ILRUN: variants seen among roughly 807,000 people sequenced by gnomAD.
ILRUN encodes inflammation and lipid regulator with UBA-like and NBR1-like domains, also known as protein ILRUN.
In ILRUN, 3 loss-of-function variants were observed where a neutral mutation model predicts 33.8. That is an observed-to-expected ratio of 0.09 (90% CI 0.04 to 0.23). ILRUN has a LOEUF of 0.23. Ranked by LOEUF, ILRUN falls within the 10% of genes least tolerant of loss-of-function variation. The pLI is 1.00. For synonymous variants in ILRUN, 124 were observed against 138.9 expected (o/e 0.89, Z 0.75); for missense variants, 210 against 375.1 (o/e 0.56, Z 3.64).
chr6:34,639,618 A>C (rs1323037128), intron 3 of ILRUN, among the ~76,000 whole-genome samples: 1 of 152,160 alleles, frequency 6.6e-6, no homozygotes, highest in Admixed American at 6.5e-5. Context: ...TAGCCCTGTC[A>C]ATCTCAACTC....
intron 3 of ILRUN, among the ~76,000 whole-genome samples, chr6:34,636,312 C>T (rs1012806762): frequency 1.3e-5 from 2 of 151,826 alleles, no homozygotes; most frequent in Non-Finnish European, 1.5e-5. Context: ...CATTCTTTCT[C>T]GGGGCTGAAT....
chr6:34,649,369 T>G (rs1762617011), intron 2 of ILRUN, among the ~76,000 whole-genome samples: 1 of 152,172 alleles, frequency 6.6e-6, no homozygotes, highest in African/African-American at 2.4e-5. Context: ...AGAACTGGAC[T>G]CCAAATTAAG....
chr6:34,617,365 C>T (rs181526245), intron 3 of ILRUN: 5 of 307,726 alleles, frequency 1.6e-5, no homozygotes, highest in Admixed American at 1.3e-4. Context: ...CATCTTTGTG[C>T]GTGTCTCTTA....
At chr6:34,617,306 A>G in intron 3 of ILRUN, 1 of 327,750 alleles carries the variant, frequency 3.1e-6, no homozygotes, top group Admixed American at 4.1e-5. Context: ...AATAAACAGT[A>G]TGCGCTCTCA....
At chr6:34,647,522 T>A (rs1239225276) in intron 2 of ILRUN, among the ~76,000 whole-genome samples, 1 of 151,190 alleles carries the variant, frequency 6.6e-6, no homozygotes, top group African/African-American at 2.4e-5. Flanking sequence ...GGAAGGAGGG[T>A]CAATCAGACC....
rs1314501480 is a variant in ILRUN at position 34,646,404 on chromosome 6, T to C, written c.511+197A>G. Among the ~76,000 whole-genome samples, 1 of 152,140 alleles carries C rather than the reference T, an allele frequency of 6.6e-6. No homozygotes were observed. Among genetic ancestry groups the C allele is most frequent in the African/African-American group, 2.4e-5 (1 of 41,418 alleles). ...TAATACCTCGTACAGGTCACTAAAT[T>C]ATATTCCTAGGATAAAAGAAAGAGC... On this transcript the variant is annotated intron_variant, in intron 3 of 4. Transcript: ENST00000374023. The surrounding 1 kb of genome is among the most constrained non-coding windows in gnomAD (Gnocchi z 4.9).
intron 2 of ILRUN, among the ~76,000 whole-genome samples, chr6:34,648,495 C>T (rs1762601233): frequency 6.6e-6 from 1 of 152,110 alleles, no homozygotes; most frequent in Non-Finnish European, 1.5e-5. Context: ...TTTAGCATAC[C>T]TTCTTCTAAA....
At chr6:34,625,415 G>A (rs1314881791) in intron 3 of ILRUN, among the ~76,000 whole-genome samples, 1 of 152,108 alleles carries the variant, frequency 6.6e-6, no homozygotes, top group Non-Finnish European at 1.5e-5. Context: ...ATGGCCATCT[G>A]GACATCTCAA....
At chr6:34,613,696 AAT>A (rs1331184288) in intron 3 of ILRUN, among the ~76,000 whole-genome samples, 1 of 152,258 alleles carries the variant, frequency 6.6e-6, no homozygotes, top group Non-Finnish European at 1.5e-5. Flanking sequence ...CAGAGATGTC[AAT>A]ATAAGTTCCT....
At position 34,635,345 on chromosome 6, in the gene ILRUN, C is replaced by G. The variant is rs183933219; in HGVS notation, c.511+11256G>C. Among the ~76,000 whole-genome samples, 8 of 152,130 alleles carry G rather than the reference C, an allele frequency of 5.3e-5. No homozygotes were observed. In the East Asian group the frequency reaches 1.5e-3, roughly 29 times the overall value. ...AGGAGTTTGAGACCACCCTGGGCAACATAGCAAAACCCCGTCTCTAATCAA... is the reference window on the plus strand; with the variant it reads ...AGGAGTTTGAGACCACCCTGGGCAAGATAGCAAAACCCCGTCTCTAATCAA... On this transcript the variant is annotated intron_variant, in intron 3 of 4. Transcript: ENST00000374023.
At chr6:34,617,595 A>C (rs1761923102) in intron 3 of ILRUN, among the ~76,000 whole-genome samples, 1 of 152,142 alleles carries the variant, frequency 6.6e-6, no homozygotes, top group Admixed American at 6.5e-5. Context: ...GGAAAAGGCT[A>C]GAGATAGGCT....
At chr6:34,662,765 G>A (rs1488521572) in intron 1 of ILRUN, among the ~76,000 whole-genome samples, 3 of 152,180 alleles carry the variant, frequency 2.0e-5, no homozygotes, top group East Asian at 1.9e-4. Context: ...AACACGCTAC[G>A]GAATAGTACA....
At chr6:34,617,104 G>A in intron 3 of ILRUN, 2 of 531,536 alleles carry the variant, frequency 3.8e-6, no homozygotes, top group South Asian at 1.4e-5. Context: ...CTATACTGTT[G>A]GAAAATGCTT....
At chr6:34,654,989 A>T (rs1305639934) in intron 1 of ILRUN, among the ~76,000 whole-genome samples, 1 of 152,196 alleles carries the variant, frequency 6.6e-6, no homozygotes, top group Non-Finnish European at 1.5e-5. Context: ...TCCCACACAG[A>T]AAGTAACAAA....
In ILRUN at chr6:34,592,148, CACTAA is replaced by C. The variant is rs561640081; in HGVS notation, c.862-1553_862-1549del. Reference sequence around the variant, plus strand: ...GACATCTCTAGCTGCTTGGTCGTATCACTAAACTAAACAAAAAATCCTCAGGAGAT... The same window carrying C: ...GACATCTCTAGCTGCTTGGTCGTATCACTAAACAAAAAATCCTCAGGAGAT... On this transcript the variant is annotated intron_variant, in intron 4 of 4. Coordinates refer to ENST00000374023, the MANE Select transcript of ILRUN (RefSeq NM_024294.4). This position sits in a 1 kb window ranked among gnomAD's most constrained non-coding sequence, Gnocchi z 4.0. Among the ~76,000 whole-genome samples the C allele has an allele frequency of 6.6e-6, 1 of 152,324 alleles. No individual in the cohort carries two copies. Among genetic ancestry groups the C allele is most frequent in the East Asian group, 1.9e-4 (1 of 5,186 alleles).
intron 1 of ILRUN, among the ~76,000 whole-genome samples, chr6:34,692,580 T>C (rs1763669759): frequency 1.3e-5 from 2 of 152,184 alleles, no homozygotes; most frequent in East Asian, 1.9e-4. Context: ...TATGCATGCA[T>C]GCACATTATG....
chr6:34,613,030 G>A (rs1175312761), intron 3 of ILRUN, among the ~76,000 whole-genome samples: 6 of 150,800 alleles, frequency 4.0e-5, no homozygotes, highest in East Asian at 3.9e-4. Context: ...GCAACAGTGC[G>A]AGACTCCGTC....
At chr6:34,671,056 A>T (rs1377752501) in intron 1 of ILRUN, among the ~76,000 whole-genome samples, 1 of 152,138 alleles carries the variant, frequency 6.6e-6, no homozygotes, top group East Asian at 1.9e-4. Context: ...TCTCTACTCA[A>T]ATAGTATTTT....
chr6:34,651,188 G>C (rs1479928004), intron 2 of ILRUN, among the ~76,000 whole-genome samples: 1 of 152,066 alleles, frequency 6.6e-6, no homozygotes, highest in Non-Finnish European at 1.5e-5. Context: ...CAGCTGGGGG[G>C]ACAACTTCCA....
Sources: gnomAD v4.1 joint callset for allele counts (sites outside exome capture counted in the v4.1 genomes callset) on GRCh38, gnomAD v4.1.1 for gene constraint, Gnocchi (gnomAD v3.1) non-coding constraint, MANE v1.5 for transcripts, NCBI Gene and HGNC (gene_info 2026-07-23, HGNC 2026-07-21) for gene names.